Variants in CSMD1 observed in about 807,000 individuals in gnomAD.
CSMD1 encodes CUB and Sushi multiple domains 1, also known as CUB and sushi domain-containing protein 1.
In CSMD1, 213 loss-of-function variants were observed where a neutral mutation model predicts 417.5. The observed-to-expected ratio is 0.51, with a 90% CI of 0.46 to 0.57. The LOEUF (loss-of-function observed/expected upper bound fraction) is 0.57. Among genes scored for constraint, CSMD1 ranks in the 20% least tolerant of loss-of-function variants. The pLI is 0.00. For synonymous variants in CSMD1, 2,862 were observed against 1,736.8 expected, an observed-to-expected ratio of 1.65 and a Z score of -16.11; for missense variants, 6,923 against 4,529.7, an observed-to-expected ratio of 1.53 and a Z score of -15.17.
chr8:3,098,906 C>G (rs1815537413), intron 46 of CSMD1, among the ~76,000 whole-genome samples: 2 of 150,460 alleles, frequency 1.3e-5, no homozygotes, highest in Non-Finnish European at 3.0e-5. Flanking sequence ...TTTTTTAAAT[C>G]TAAAGCACTA....
At chr8:3,422,586 G>C (rs1009633593) in intron 12 of CSMD1, among the ~76,000 whole-genome samples, 3 of 152,176 alleles carry the variant, frequency 2.0e-5, no homozygotes, top group African/African-American at 7.2e-5. Flanking sequence ...AAAAGAGCAT[G>C]TTACAATAGG....
chr8:3,697,277 A>G (rs1800606814), intron 7 of CSMD1, among the ~76,000 whole-genome samples: 1 of 152,192 alleles, frequency 6.6e-6, no homozygotes, highest in African/African-American at 2.4e-5. Context: ...ACTCTAATGA[A>G]AGGATTTAAC....
At chr8:3,155,359 A>ATTTTTTATTTTTTTTTTTTT (rs1819454098) in intron 39 of CSMD1, among the ~76,000 whole-genome samples, 1 of 43,318 alleles carries the variant, frequency 2.3e-5, no homozygotes, top group Non-Finnish European at 4.7e-5. Flanking sequence ...CAAGGCTGGG[A>ATTTTTTATTTTTTTTTTTTT]TTTTTTTTTT....
chr8:4,920,995 A>G (rs59072476), intron 1 of CSMD1, among the ~76,000 whole-genome samples: 8 of 42,536 alleles, frequency 1.9e-4, no homozygotes, highest in African/African-American at 5.9e-4. Flanking sequence ...AGAAAGAAAG[A>G]AAAGAAAGAA....
At chr8:4,311,790 C>G (rs1477272648) in intron 3 of CSMD1, among the ~76,000 whole-genome samples, 1 of 148,586 alleles carries the variant, frequency 6.7e-6, no homozygotes, top group African/African-American at 2.5e-5. Flanking sequence ...TAGAGGGGAA[C>G]AACACACACT....
intron 5 of CSMD1, among the ~76,000 whole-genome samples, chr8:3,821,012 G>A (rs919114439): frequency 5.3e-5 from 8 of 152,046 alleles, no homozygotes; most frequent in Non-Finnish European, 1.2e-4. Flanking sequence ...CACATCCCGG[G>A]TTCAAGCGAT....
intron 1 of CSMD1, among the ~76,000 whole-genome samples, chr8:4,821,508 G>A (rs544178093): frequency 6.6e-6 from 1 of 152,220 alleles, no homozygotes; most frequent in East Asian, 1.9e-4. Flanking sequence ...CATTCTTCAT[G>A]AATTATGAAA....
intron 5 of CSMD1, among the ~76,000 whole-genome samples, chr8:3,971,293 T>G (rs1813070873): frequency 1.3e-5 from 2 of 152,198 alleles, no homozygotes; most frequent in South Asian, 4.1e-4. Context: ...CCTCACCTCC[T>G]CATGGGTTCT....
chr8:4,192,643 G>T (rs1026237068), intron 3 of CSMD1, among the ~76,000 whole-genome samples: 2 of 152,126 alleles, frequency 1.3e-5, no homozygotes, highest in East Asian at 1.9e-4. Context: ...ATTTGCTCAG[G>T]GATCAGAGTG....
intron 1 of CSMD1, among the ~76,000 whole-genome samples, chr8:4,684,593 G>C (rs1050055052): frequency 6.6e-6 from 1 of 152,102 alleles, no homozygotes; most frequent in African/African-American, 2.4e-5. Context: ...GGCCCTGTTA[G>C]CCTGTCTGAA....
chr8:4,970,636 C>G (rs1171559280), intron 1 of CSMD1, among the ~76,000 whole-genome samples: 9 of 151,972 alleles, frequency 5.9e-5, no homozygotes, highest in Non-Finnish European at 1.3e-4. Context: ...GCTTGTGTGA[C>G]TTAAACACAT....
chr8:3,586,247 C>T lies in CSMD1; in HGVS notation c.1111G>A (p.Val371Ile), dbSNP rs1800595127. 1 of 1,602,680 alleles carries T rather than the reference C, an allele frequency of 6.2e-7. No homozygotes were observed. Among genetic ancestry groups the T allele is most frequent in the Non-Finnish European group, 8.5e-7 (1 of 1,175,894 alleles). The change falls in exon 9 of 70, where the codon GTA becomes ATA. Residue 371 changes from valine to isoleucine, a missense_variant. Physicochemically the swap from Val to Ile is conservative, Grantham distance 29. Coordinates refer to ENST00000635120, the MANE Select transcript of CSMD1 (RefSeq NM_033225.6). ...AGSDFRVGAN[V>I]QFSCEDNYVL... ...TAATTGTCCTCACATGAAAACTGTA[C>T]ATTTGCACCAACCCTAAGCCGTTAA...
intron 3 of CSMD1, among the ~76,000 whole-genome samples, chr8:4,145,722 T>G (rs1436383267): frequency 6.6e-6 from 1 of 150,988 alleles, no homozygotes. Flanking sequence ...AACATATATT[T>G]GACTTGTCCC....
At chr8:4,312,864 C>T (rs1471318190) in intron 3 of CSMD1, among the ~76,000 whole-genome samples, 2 of 152,028 alleles carry the variant, frequency 1.3e-5, no homozygotes, top group African/African-American at 2.4e-5. Flanking sequence ...AACCCCATCT[C>T]AAAAACATTA....
chr8:4,902,996 T>C (rs960436574), intron 1 of CSMD1, among the ~76,000 whole-genome samples: 6 of 138,180 alleles, frequency 4.3e-5, no homozygotes, highest in Middle Eastern at 3.7e-3. Context: ...AAATAAATGA[T>C]AAATAATATT....
intron 15 of CSMD1, among the ~76,000 whole-genome samples, chr8:3,405,589 G>A (rs80120864): frequency 0.053 from 7,451 of 141,616 alleles, 243 homozygotes; most frequent in Non-Finnish European, 0.074. Flanking sequence ...GATGAATTTA[G>A]TTAGGATAAG....
At chr8:3,666,094 C>T (rs564373346) in intron 7 of CSMD1, among the ~76,000 whole-genome samples, 1 of 152,278 alleles carries the variant, frequency 6.6e-6, no homozygotes, top group South Asian at 2.1e-4. Flanking sequence ...CAGTGTTTCA[C>T]CATGTTGGCC....
intron 3 of CSMD1, among the ~76,000 whole-genome samples, chr8:4,064,200 C>T (rs1225465300): frequency 6.6e-6 from 1 of 152,134 alleles, no homozygotes; most frequent in Non-Finnish European, 1.5e-5. Flanking sequence ...GAGCTTTCAC[C>T]ATGGCTCAGA....
intron 1 of CSMD1, among the ~76,000 whole-genome samples, chr8:4,955,725 G>A (rs1252100968): frequency 2.7e-5 from 4 of 145,610 alleles, no homozygotes; most frequent in Non-Finnish European, 6.1e-5. Flanking sequence ...TAAAGTGCTG[G>A]GATTACAGGC....
Sources: gnomAD v4.1 joint callset for allele counts (sites outside exome capture counted in the v4.1 genomes callset) on GRCh38, gnomAD v4.1.1 for gene constraint, MANE v1.5 for transcripts, NCBI Gene and HGNC (gene_info 2026-07-23, HGNC 2026-07-21) for gene names.